Variants in TMEM108 observed in about 807,000 individuals in gnomAD.
TMEM108 encodes cancer/testis antigen 124.
TMEM108 carries 12 observed loss-of-function variants against 35.1 expected under a neutral mutation model. The ratio of observed to expected loss-of-function variants is 0.34; its 90% CI spans 0.22 to 0.55. The LOEUF (loss-of-function observed/expected upper bound fraction) is 0.55. Ranked by LOEUF, TMEM108 falls within the 20% of genes least tolerant of loss-of-function variation. The probability of loss-of-function intolerance (pLI) is 0.89; values close to 1 mark genes in which losing one functional copy is unlikely to be tolerated. For missense variants in TMEM108, 680 were observed against 753.3 expected, an observed-to-expected ratio of 0.90 and a Z score of 1.14; for synonymous variants, 287 against 308.6, an observed-to-expected ratio of 0.93 and a Z score of 0.73.
chr3:133,165,845 A>C (rs1194019748), intron 2 of TMEM108, among the ~76,000 whole-genome samples: 1 of 152,242 alleles, frequency 6.6e-6, no homozygotes, highest in Admixed American at 6.5e-5. Flanking sequence ...AATGCATGTA[A>C]CATACACCTA....
At chr3:133,294,280 A>G (rs1028263117) in intron 3 of TMEM108, among the ~76,000 whole-genome samples, 1 of 152,236 alleles carries the variant, frequency 6.6e-6, no homozygotes, top group African/African-American at 2.4e-5. Flanking sequence ...GCAACATGGC[A>G]CTAAAATTCT....
At chr3:133,102,219 T>C (rs1255594268) in intron 2 of TMEM108, among the ~76,000 whole-genome samples, 1 of 152,226 alleles carries the variant, frequency 6.6e-6, no homozygotes, top group Non-Finnish European at 1.5e-5. Context: ...AGCACTTGAC[T>C]TGGTATGGGT....
intron 3 of TMEM108, among the ~76,000 whole-genome samples, chr3:133,292,873 A>G (rs1424311985): frequency 6.6e-6 from 1 of 152,102 alleles, no homozygotes; most frequent in Admixed American, 6.5e-5. Flanking sequence ...GCTTACACCA[A>G]CTTAAGCCAA....
intron 2 of TMEM108, among the ~76,000 whole-genome samples, chr3:133,050,428 A>G (rs1383823341): frequency 1.3e-5 from 2 of 152,146 alleles, no homozygotes; most frequent in Non-Finnish European, 2.9e-5. Context: ...CCTACTCCCT[A>G]TACATGCATG....
intron 2 of TMEM108, among the ~76,000 whole-genome samples, chr3:133,215,784 A>T (rs1195052837): frequency 1.3e-5 from 2 of 152,008 alleles, no homozygotes; most frequent in Non-Finnish European, 2.9e-5. Context: ...TAGTGCTTTT[A>T]TGCTTTTTTA....
intron 2 of TMEM108, among the ~76,000 whole-genome samples, chr3:133,105,696 T>A (rs1411772538): frequency 6.6e-6 from 1 of 152,198 alleles, no homozygotes; most frequent in African/African-American, 2.4e-5. Context: ...TTCCACGACT[T>A]TCTCTCGTCC....
intron 3 of TMEM108, among the ~76,000 whole-genome samples, chr3:133,290,153 G>A (rs1947042709): frequency 6.6e-6 from 1 of 152,154 alleles, no homozygotes; most frequent in African/African-American, 2.4e-5. Flanking sequence ...CTAGGGGATA[G>A]GAAATGTGGA....
chr3:133,177,338 C>T (rs1187655625), intron 2 of TMEM108, among the ~76,000 whole-genome samples: 1 of 152,012 alleles, frequency 6.6e-6, no homozygotes, highest in African/African-American at 2.4e-5. Context: ...ATCCTGATAC[C>T]AAAGCCTGGC....
intron 3 of TMEM108, among the ~76,000 whole-genome samples, chr3:133,235,286 C>T (rs62282262): frequency 0.3 from 43,837 of 148,592 alleles, 5,830 homozygotes; most frequent in East Asian, 0.44. Flanking sequence ...AAAGAGCCTG[C>T]ATCACCAAGT....
intron 2 of TMEM108, among the ~76,000 whole-genome samples, chr3:133,179,818 A>G (rs539332872): frequency 2.0e-5 from 3 of 152,010 alleles, no homozygotes; most frequent in South Asian, 4.2e-4. Flanking sequence ...AAAAAATAAA[A>G]TAAAATAAAA....
chr3:133,280,326 C>G (rs957228086), intron 3 of TMEM108, among the ~76,000 whole-genome samples: 1 of 152,170 alleles, frequency 6.6e-6, no homozygotes, highest in African/African-American at 2.4e-5. Flanking sequence ...TTTTCTGCTT[C>G]TTGTCTTACT....
At chr3:133,165,671 C>T (rs991168026) in intron 2 of TMEM108, among the ~76,000 whole-genome samples, 5 of 152,186 alleles carry the variant, frequency 3.3e-5, no homozygotes, top group East Asian at 1.9e-4. Context: ...ATGACCATCC[C>T]GCAGGCTGAG....
intron 2 of TMEM108, among the ~76,000 whole-genome samples, chr3:133,079,130 T>C (rs777249170): frequency 4.6e-5 from 7 of 152,242 alleles, no homozygotes; most frequent in Non-Finnish European, 1.0e-4. Context: ...ACATAATTGC[T>C]GACTGCATTT....
intron 2 of TMEM108, among the ~76,000 whole-genome samples, chr3:133,200,142 C>G (rs1023574291): frequency 6.6e-6 from 1 of 152,038 alleles, no homozygotes; most frequent in Non-Finnish European, 1.5e-5. Flanking sequence ...TAGGAGTGAC[C>G]CGATTTTCCA....
At chr3:133,150,240 T>C (rs1944778666) in intron 2 of TMEM108, among the ~76,000 whole-genome samples, 1 of 152,140 alleles carries the variant, frequency 6.6e-6, no homozygotes, top group Non-Finnish European at 1.5e-5. Context: ...TGATGATTAG[T>C]GATGTTGAGT....
At chr3:133,169,065 G>A (rs1945088937) in intron 2 of TMEM108, among the ~76,000 whole-genome samples, 1 of 152,190 alleles carries the variant, frequency 6.6e-6, no homozygotes, top group African/African-American at 2.4e-5. Context: ...CTCACCGTGA[G>A]GGTCTGTGGC....
At chr3:133,234,685 T>C (rs1031743136) in intron 3 of TMEM108, among the ~76,000 whole-genome samples, 2 of 152,110 alleles carry the variant, frequency 1.3e-5, no homozygotes, top group Non-Finnish European at 2.9e-5. Flanking sequence ...CTTTGAAAAC[T>C]GGCACAAGAC....
chr3:133,170,676 A>T (rs1945117013), intron 2 of TMEM108, among the ~76,000 whole-genome samples: 1 of 152,228 alleles, frequency 6.6e-6, no homozygotes, highest in African/African-American at 2.4e-5. Context: ...TCAGAGTTTT[A>T]AAAAGATCAA....
At chr3:133,196,777 CTT>C (rs1945584439) in intron 2 of TMEM108, among the ~76,000 whole-genome samples, 2 of 152,156 alleles carry the variant, frequency 1.3e-5, no homozygotes, top group African/African-American at 4.8e-5. Context: ...CTTTTGTCCT[CTT>C]TGTGCTTTTG....
Sources: allele counts gnomAD v4.1 joint callset (sites outside exome capture counted in the v4.1 genomes callset), GRCh38; gene constraint gnomAD v4.1.1; transcripts MANE v1.5; gene names NCBI Gene and HGNC (gene_info 2026-07-23, HGNC 2026-07-21).